FBXL7: variants seen among roughly 807,000 people sequenced by gnomAD.
The protein encoded by FBXL7 is F-box and leucine rich repeat protein 7.
In FBXL7, 12 loss-of-function variants were observed where a neutral mutation model predicts 38.3. That is an observed-to-expected ratio of 0.31 (90% CI 0.20 to 0.51). The LOEUF is 0.51. Among genes scored for constraint, FBXL7 ranks in the 20% least tolerant of loss-of-function variants. FBXL7 has a pLI of 0.98. For missense variants in FBXL7, 567 were observed against 676.4 expected (o/e 0.84, Z 1.79); for synonymous variants, 297 against 300.9 (o/e 0.99, Z 0.13).
chr5:15,576,072 C>CTTTTTT (rs35832237), intron 1 of FBXL7, among the ~76,000 whole-genome samples: 32 of 74,290 alleles, frequency 4.3e-4, no homozygotes, highest in East Asian at 1.8e-3. Context: ...GAATCTCATT[C>CTTTTTT]TTTTTTTTTT....
intron 1 of FBXL7, among the ~76,000 whole-genome samples, chr5:15,612,063 T>G (rs1740256919): frequency 6.6e-6 from 1 of 152,156 alleles, no homozygotes; most frequent in Non-Finnish European, 1.5e-5. Flanking sequence ...AATGTTTTAC[T>G]TATCAAAGGA....
chr5:15,659,555 C>G (rs1257880652), intron 2 of FBXL7, among the ~76,000 whole-genome samples: 1 of 152,022 alleles, frequency 6.6e-6, no homozygotes, highest in Non-Finnish European at 1.5e-5. Context: ...AAAACAAAAA[C>G]ATGGGGATTT....
At chr5:15,617,194 T>C (rs2126520869) in intron 2 of FBXL7, among the ~76,000 whole-genome samples, 1 of 152,338 alleles carries the variant, frequency 6.6e-6, no homozygotes, top group Non-Finnish European at 1.5e-5. Flanking sequence ...TCTGGGTTAA[T>C]AGCTTTACAA....
Position 15,936,828 on chromosome 5 carries a change from A to C in FBXL7, c.1118A>C (p.Lys373Thr). 6.2e-7 allele frequency: 1 copy of C among 1,613,558 alleles called. No homozygotes were observed. Among genetic ancestry groups the C allele is most frequent in the Admixed American group, 1.7e-5 (1 of 59,956 alleles). ...GACGTGGGCATCCGCTACGTGGCCA[A>C]GTACTGCAGCAAGCTGCGCTACCTC... is the stretch of plus-strand genomic sequence containing the variant. ...VTDVGIRYVA[K>T]YCSKLRYLNA... Residue 373 changes from lysine (K) to threonine (T), a missense_variant, in exon 4 of 4, where the codon AAG (lysine) becomes ACG (threonine). Lys to Thr is a moderately conservative substitution (Grantham distance 78, BLOSUM62 -1). Transcript: ENST00000504595. This position sits in a 1 kb window ranked among gnomAD's most constrained non-coding sequence, Gnocchi z 6.0.
intron 1 of FBXL7, among the ~76,000 whole-genome samples, chr5:15,557,506 G>T (rs1738282721): frequency 6.6e-6 from 1 of 152,182 alleles, no homozygotes; most frequent in Non-Finnish European, 1.5e-5. Context: ...AAAGTAAGAT[G>T]TGTAAGGCTA....
At chr5:15,741,437 A>G (rs373803678) in intron 2 of FBXL7, among the ~76,000 whole-genome samples, 1 of 152,240 alleles carries the variant, frequency 6.6e-6, no homozygotes, top group Non-Finnish European at 1.5e-5. Context: ...AACTTAAAAA[A>G]TGAATTTTTT....
chr5:15,541,441 GTGTATA>G (rs1233953251), intron 1 of FBXL7, among the ~76,000 whole-genome samples: 1,853 of 53,354 alleles, frequency 0.035, 59 homozygotes, highest in African/African-American at 0.083. Context: ...ATGTGTGTGT[GTGTATA>G]TATATATATA....
chr5:15,505,631 T>C (rs966896987), intron 1 of FBXL7, among the ~76,000 whole-genome samples: 1 of 152,138 alleles, frequency 6.6e-6, no homozygotes, highest in African/African-American at 2.4e-5. Context: ...GGTCCCTGAA[T>C]AAAGAAAATT....
intron 2 of FBXL7, among the ~76,000 whole-genome samples, chr5:15,837,744 G>A (rs1348935496): frequency 6.6e-6 from 1 of 152,142 alleles, no homozygotes; most frequent in Non-Finnish European, 1.5e-5. Context: ...CAAAGACCAT[G>A]AACATAGTGC....
chr5:15,855,107 CT>C (rs773489777), intron 2 of FBXL7, among the ~76,000 whole-genome samples: 1 of 152,054 alleles, frequency 6.6e-6, no homozygotes, highest in Non-Finnish European at 1.5e-5. Context: ...AAAGTTTGCC[CT>C]GCTAATTTTC....
At chr5:15,733,425 G>C (rs182929417) in intron 2 of FBXL7, among the ~76,000 whole-genome samples, 1 of 152,164 alleles carries the variant, frequency 6.6e-6, no homozygotes, top group African/African-American at 2.4e-5. Context: ...ATTACAAGAA[G>C]AAAATAGTGT....
chr5:15,769,852 A>G (rs1431494508), intron 2 of FBXL7, among the ~76,000 whole-genome samples: 3 of 152,172 alleles, frequency 2.0e-5, no homozygotes, highest in Non-Finnish European at 4.4e-5. Context: ...ATCATCATAT[A>G]ATATTTTAAC....
intron 2 of FBXL7, among the ~76,000 whole-genome samples, chr5:15,912,856 G>C (rs955804008): frequency 3.3e-5 from 5 of 152,096 alleles, no homozygotes; most frequent in African/African-American, 9.7e-5. Context: ...CTTTAAAGAA[G>C]AGATTATGAA....
chr5:15,572,020 G>A (rs116339687), intron 1 of FBXL7, among the ~76,000 whole-genome samples: 11 of 152,104 alleles, frequency 7.2e-5, no homozygotes, highest in African/African-American at 2.7e-4. Flanking sequence ...GTATTCATAT[G>A]TGAAATATCT....
chr5:15,748,965 C>G (rs1303388685), intron 2 of FBXL7, among the ~76,000 whole-genome samples: 1 of 152,134 alleles, frequency 6.6e-6, no homozygotes, highest in Non-Finnish European at 1.5e-5. Context: ...CAACAGTTAG[C>G]CTCGCACGGT....
chr5:15,506,502 C>A (rs1043690344), intron 1 of FBXL7, among the ~76,000 whole-genome samples: 2 of 152,178 alleles, frequency 1.3e-5, no homozygotes, highest in Non-Finnish European at 2.9e-5. Flanking sequence ...AGGGGGACTT[C>A]TGTACAGTTT....
intron 2 of FBXL7, among the ~76,000 whole-genome samples, chr5:15,819,372 G>GTCA (rs1738108106): frequency 6.6e-6 from 1 of 151,984 alleles, no homozygotes; most frequent in East Asian, 1.9e-4. Flanking sequence ...AATGTGATCA[G>GTCA]TCATCTAGAT....
intron 2 of FBXL7, among the ~76,000 whole-genome samples, chr5:15,802,996 A>G (rs552563994): frequency 7.2e-5 from 11 of 152,224 alleles, no homozygotes; most frequent in Non-Finnish European, 1.3e-4. Flanking sequence ...TGTTTTCTTT[A>G]TCTGTTGACA....
chr5:15,559,597 A>G (rs981573052), intron 1 of FBXL7, among the ~76,000 whole-genome samples: 1 of 152,240 alleles, frequency 6.6e-6, no homozygotes, highest in African/African-American at 2.4e-5. Flanking sequence ...GGTTTTCCAC[A>G]TGTTCGATGA....
Sources: gnomAD v4.1 joint callset for allele counts (sites outside exome capture counted in the v4.1 genomes callset) on GRCh38, gnomAD v4.1.1 for gene constraint, Gnocchi (gnomAD v3.1) non-coding constraint, MANE v1.5 for transcripts, NCBI Gene and HGNC (gene_info 2026-07-23, HGNC 2026-07-21) for gene names.